The following SH3BGR variants were observed in gnomAD, a reference collection of about 807,000 sequenced individuals.
SH3BGR encodes SH3 domain binding glutamate rich protein.
Under a neutral mutation model 24.5 loss-of-function variants are expected in SH3BGR, and 29 were observed. The observed-to-expected ratio is 1.18, with a 90% CI of 0.88 to 1.61. SH3BGR has a LOEUF of 1.61. Ranked by LOEUF, SH3BGR falls within the 40% of genes most tolerant of loss-of-function variation. SH3BGR has a pLI of 0.00. For missense variants in SH3BGR, 162 were observed against 205.8 expected (o/e 0.79, Z 1.30); for synonymous variants, 55 against 65.7 (o/e 0.84, Z 0.79).
At chr21:39,460,862 A>G (rs1429250746) in intron 1 of SH3BGR, among the ~76,000 whole-genome samples, 3 of 151,560 alleles carry the variant, frequency 2.0e-5, no homozygotes, top group African/African-American at 7.3e-5. Context: ...TGATCAGCAC[A>G]CTGTAACCTC....
chr21:39,467,361 A>G (rs2077861796), intron 2 of SH3BGR, among the ~76,000 whole-genome samples: 1 of 152,206 alleles, frequency 6.6e-6, no homozygotes, highest in Admixed American at 6.5e-5. Context: ...ATCTAATGAA[A>G]TAAATATACA....
intron 3 of SH3BGR, among the ~76,000 whole-genome samples, chr21:39,498,103 C>G (rs1041143438): frequency 1.3e-5 from 2 of 152,186 alleles, no homozygotes; most frequent in African/African-American, 4.8e-5. Context: ...GACAAATGTC[C>G]ATGGTACATT....
upstream of SH3BGR, among the ~76,000 whole-genome samples, chr21:39,450,618 G>C (rs2077562607): frequency 6.6e-6 from 1 of 152,266 alleles, no homozygotes; most frequent in South Asian, 2.1e-4. Context: ...GAGAGAGAGA[G>C]AGACAGTAAG....
intron 1 of SH3BGR, among the ~76,000 whole-genome samples, chr21:39,457,805 T>G (rs2077687246): frequency 1.3e-5 from 2 of 151,822 alleles, no homozygotes; most frequent in African/African-American, 2.4e-5. Flanking sequence ...GCGTCCATAG[T>G]GCCAGCTATT....
At chr21:39,504,495 C>T (rs368922956) in intron 4 of SH3BGR, among the ~76,000 whole-genome samples, 2 of 152,234 alleles carry the variant, frequency 1.3e-5, no homozygotes, top group Non-Finnish European at 2.9e-5. Flanking sequence ...CACGCACCAC[C>T]TCTGCAGTCT....
intron 2 of SH3BGR, among the ~76,000 whole-genome samples, chr21:39,469,189 C>A (rs746857258): frequency 6.6e-6 from 1 of 151,740 alleles, no homozygotes; most frequent in Non-Finnish European, 1.5e-5. Flanking sequence ...TGTTCCCACA[C>A]ATGCAGAGCC....
intron 2 of SH3BGR, among the ~76,000 whole-genome samples, chr21:39,472,885 G>A (rs1204135497): frequency 6.6e-6 from 1 of 151,640 alleles, no homozygotes; most frequent in Non-Finnish European, 1.5e-5. Flanking sequence ...GATGGTAAAG[G>A]TGTCATGTGT....
chr21:39,456,639 A>G (rs2077659327), intron 1 of SH3BGR, among the ~76,000 whole-genome samples: 2 of 151,934 alleles, frequency 1.3e-5, no homozygotes, highest in African/African-American at 4.9e-5. Context: ...CCAGGCATCC[A>G]CGGCACAGCT....
intron 3 of SH3BGR, among the ~76,000 whole-genome samples, chr21:39,496,741 T>TA (rs898780409): frequency 1.3e-5 from 2 of 152,232 alleles, no homozygotes; most frequent in Non-Finnish European, 2.9e-5. Context: ...TAAAAATCTG[T>TA]AAAATGTTTA....
chr21:39,451,688 G>C, upstream of SH3BGR: 1 of 564,140 alleles, frequency 1.8e-6, no homozygotes, highest in Non-Finnish European at 3.1e-6. Context: ...CACTTCTTTC[G>C]CCTCCTGCTG....
chr21:39,507,437 G>A (rs2078602128), intron 4 of SH3BGR, among the ~76,000 whole-genome samples: 1 of 152,148 alleles, frequency 6.6e-6, no homozygotes, highest in African/African-American at 2.4e-5. Context: ...GGGTTCAAGC[G>A]ATTCTCCTGC....
At chr21:39,466,749 G>T (rs2077850074) in intron 2 of SH3BGR, among the ~76,000 whole-genome samples, 1 of 152,180 alleles carries the variant, frequency 6.6e-6, no homozygotes, top group Non-Finnish European at 1.5e-5. Flanking sequence ...CCATAATTCA[G>T]TTACCTCTGA....
intron 1 of SH3BGR, among the ~76,000 whole-genome samples, chr21:39,461,845 T>A (rs1175515453): frequency 1.3e-5 from 2 of 152,206 alleles, no homozygotes; most frequent in African/African-American, 4.8e-5. Context: ...TAATTAATTA[T>A]TTTATTTATT....
intron 2 of SH3BGR, among the ~76,000 whole-genome samples, chr21:39,462,951 A>C (rs2148462225): frequency 6.6e-6 from 1 of 152,326 alleles, no homozygotes; most frequent in South Asian, 2.1e-4. Context: ...TGGTGCAATC[A>C]TGGCTCACTG....
intron 3 of SH3BGR, among the ~76,000 whole-genome samples, chr21:39,476,827 T>C (rs1383416604): frequency 1.3e-5 from 2 of 152,178 alleles, no homozygotes; most frequent in Non-Finnish European, 2.9e-5. Flanking sequence ...CAAAAGGGAA[T>C]TTTCTATCCT....
At chr21:39,513,245 C>T (rs1026384167) in intron 6 of SH3BGR, among the ~76,000 whole-genome samples, 39 of 152,274 alleles carry the variant, frequency 2.6e-4, no homozygotes, top group African/African-American at 9.1e-4. Flanking sequence ...GTGACTTCAC[C>T]ATGTTCCCCA....
chr21:39,502,116 T>C (rs1382819970), intron 4 of SH3BGR, among the ~76,000 whole-genome samples: 1 of 152,188 alleles, frequency 6.6e-6, no homozygotes, highest in Non-Finnish European at 1.5e-5. Flanking sequence ...GAGTTTGCAG[T>C]GAGCTGAGAT....
chr21:39,498,424 A>G (rs567089060), intron 3 of SH3BGR, among the ~76,000 whole-genome samples: 2 of 152,328 alleles, frequency 1.3e-5, no homozygotes, highest in African/African-American at 2.4e-5. Context: ...TCCTTCCCCT[A>G]ACTCACAATG....
rs770066795 is a variant in SH3BGR at position 39,462,412 on chromosome 21, A to G, written c.83A>G (p.Glu28Gly). 1.2e-6 allele frequency: 2 copies of G among 1,610,858 alleles called. No individual in the cohort carries two copies. The highest frequency in any genetic ancestry group is 1.7e-6 in the Non-Finnish European group (2 of 1,179,352). Residue 28 changes from glutamate (E) to glycine (G), a missense_variant, in exon 2 of 7, where the codon GAA becomes GGA. Transcript: ENST00000333634. Reference sequence around the variant, plus strand: ...CAGCAAGAAGTAGTGGGTTTTTTGGAAGCGAATAAAATCGACTTTAAGGAA... The same window carrying G: ...CAGCAAGAAGTAGTGGGTTTTTTGGGAGCGAATAAAATCGACTTTAAGGAA... ...KKQQEVVGFL[E>G]ANKIDFKELD...
Sources: gnomAD v4.1 joint callset for allele counts (sites outside exome capture counted in the v4.1 genomes callset) on GRCh38, gnomAD v4.1.1 for gene constraint, MANE v1.5 for transcripts, NCBI Gene and HGNC (gene_info 2026-07-23, HGNC 2026-07-21) for gene names.